SPAG16: variants seen among roughly 807,000 people sequenced by gnomAD.
SPAG16 encodes sperm-associated antigen 16 protein.
In SPAG16, 86 loss-of-function variants were observed where a neutral mutation model predicts 80.4. The observed-to-expected ratio is 1.07, with a 90% CI of 0.90 to 1.28. The LOEUF (loss-of-function observed/expected upper bound fraction) is 1.28, where lower values mean the gene tolerates loss of function less well. Ranked by LOEUF, SPAG16 falls within the 50% of genes most tolerant of loss-of-function variation. The probability of loss-of-function intolerance (pLI) is 0.00; values close to 1 mark genes in which losing one functional copy is unlikely to be tolerated. For missense variants in SPAG16, 870 were observed against 765.3 expected (o/e 1.14, Z -1.61); for synonymous variants, 294 against 265.9 (o/e 1.11, Z -1.03).
chr2:214,068,390 T>A (rs1248584567), intron 13 of SPAG16, among the ~76,000 whole-genome samples: 5 of 152,172 alleles, frequency 3.3e-5, no homozygotes, highest in African/African-American at 1.2e-4. Context: ...ATATTTTAAC[T>A]GGACATAGAG....
chr2:213,986,890 G>C (rs1466561880), intron 12 of SPAG16, among the ~76,000 whole-genome samples: 16 of 22,080 alleles, frequency 7.2e-4, no homozygotes, highest in South Asian at 1.1e-3. Flanking sequence ...CTCTGGTATA[G>C]CAAAAAAAAA....
intron 9 of SPAG16, among the ~76,000 whole-genome samples, chr2:213,475,425 C>T (rs58071177): frequency 0.074 from 11,254 of 152,142 alleles, 1,370 homozygotes; most frequent in African/African-American, 0.25. Flanking sequence ...CCCAGTGATT[C>T]AGGATACACT....
At chr2:213,698,248 TTTA>T (rs1408487558) in intron 10 of SPAG16, among the ~76,000 whole-genome samples, 2 of 152,046 alleles carry the variant, frequency 1.3e-5, no homozygotes, top group African/African-American at 2.4e-5. Flanking sequence ...ATTTTTTAAA[TTTA>T]TTATTATTAT....
At chr2:213,444,297 T>G (rs2071166290) in intron 9 of SPAG16, among the ~76,000 whole-genome samples, 1 of 152,174 alleles carries the variant, frequency 6.6e-6, no homozygotes, top group African/African-American at 2.4e-5. Context: ...GTGGAGTTTG[T>G]GGCATATGTG....
At chr2:213,971,880 T>G (rs934233579) in intron 12 of SPAG16, among the ~76,000 whole-genome samples, 2 of 143,742 alleles carry the variant, frequency 1.4e-5, no homozygotes, top group African/African-American at 2.5e-5. Flanking sequence ...TGTTTTTTGG[T>G]TTTTTTTTTT....
At chr2:213,298,371 A>C (rs189533243) in intron 3 of SPAG16, among the ~76,000 whole-genome samples, 1 of 152,324 alleles carries the variant, frequency 6.6e-6, no homozygotes, top group Admixed American at 6.5e-5. Flanking sequence ...TAGTTTTAAA[A>C]TGTATGAATA....
chr2:213,683,401 A>C (rs2125268590), intron 10 of SPAG16, among the ~76,000 whole-genome samples: 1 of 152,246 alleles, frequency 6.6e-6, no homozygotes, highest in East Asian at 1.9e-4. Context: ...AAATAGAAAA[A>C]TTAGCTGAGC....
At chr2:213,691,779 C>T (rs1225534504) in intron 10 of SPAG16, among the ~76,000 whole-genome samples, 1 of 151,816 alleles carries the variant, frequency 6.6e-6, no homozygotes, top group Admixed American at 6.6e-5. Flanking sequence ...TCTTGTTGTC[C>T]CCACCAGATT....
intron 12 of SPAG16, among the ~76,000 whole-genome samples, chr2:213,956,435 C>T (rs2044139640): frequency 7.0e-6 from 1 of 142,270 alleles, no homozygotes; most frequent in South Asian, 2.3e-4. Flanking sequence ...GACTTTACTC[C>T]ATTTTTTTTC....
chr2:213,573,123 C>T (rs1036670763), intron 10 of SPAG16, among the ~76,000 whole-genome samples: 8 of 152,120 alleles, frequency 5.3e-5, no homozygotes, highest in Non-Finnish European at 1.0e-4. Flanking sequence ...ACCCACTGGC[C>T]TGCGCCCACT....
intron 10 of SPAG16, among the ~76,000 whole-genome samples, chr2:213,560,890 G>A (rs1023336803): frequency 6.6e-6 from 1 of 152,208 alleles, no homozygotes; most frequent in African/African-American, 2.4e-5. Context: ...GGGAGATGGA[G>A]TCTTGCTCTG....
intron 10 of SPAG16, among the ~76,000 whole-genome samples, chr2:213,703,222 A>T (rs942988859): frequency 3.3e-5 from 5 of 152,136 alleles, no homozygotes; most frequent in African/African-American, 1.2e-4. Flanking sequence ...TAGGTCTCTG[A>T]TATTTGGGAA....
At chr2:213,358,014 GA>G (rs2065762482) in intron 7 of SPAG16, among the ~76,000 whole-genome samples, 1 of 152,072 alleles carries the variant, frequency 6.6e-6, no homozygotes, top group Non-Finnish European at 1.5e-5. Context: ...CTTCACTTAT[GA>G]AACTTAGTTT....
At chr2:213,912,341 G>C (rs931005141) in intron 11 of SPAG16, among the ~76,000 whole-genome samples, 1 of 151,924 alleles carries the variant, frequency 6.6e-6, no homozygotes, top group Non-Finnish European at 1.5e-5. Flanking sequence ...TTTCTTGTAC[G>C]TATCTATATT....
chr2:213,782,034 C>G (rs1231757239), intron 10 of SPAG16, among the ~76,000 whole-genome samples: 3 of 152,236 alleles, frequency 2.0e-5, no homozygotes, highest in East Asian at 3.9e-4. Flanking sequence ...TTGATGGAAA[C>G]CTTCCTGCTT....
intron 13 of SPAG16, among the ~76,000 whole-genome samples, chr2:214,094,589 T>C (rs1170848392): frequency 6.6e-6 from 1 of 152,116 alleles, no homozygotes; most frequent in East Asian, 1.9e-4. Flanking sequence ...TTTTCTAATT[T>C]ATAATAGAGC....
intron 10 of SPAG16, among the ~76,000 whole-genome samples, chr2:213,792,623 G>T (rs1306441893): frequency 2.8e-5 from 3 of 106,918 alleles, no homozygotes; most frequent in Non-Finnish European, 5.2e-5. Flanking sequence ...TCACTCTCTT[G>T]CCCAGGCTGG....
At chr2:214,353,933 C>T (rs1912190) in intron 15 of SPAG16, among the ~76,000 whole-genome samples, 73,986 of 151,318 alleles carry the variant, frequency 0.49, 21,663 homozygotes, top group South Asian at 0.67. Flanking sequence ...CTGTAGAAAC[C>T]AATTGTCTTC....
rs542735799 is a variant in SPAG16, at chr2:213,347,767, C to T, written c.645-2761C>T. On this transcript the variant is annotated intron_variant, in intron 6 of 15. Coordinates refer to ENST00000331683, the MANE Select transcript of SPAG16 (RefSeq NM_024532.5). ...TCTGAGAGATAGTTTGTTATAATTT[C>T]TGTTCTTTTACATTTGATGAGGAGT... Among the ~76,000 whole-genome samples, 13 of 152,280 alleles carry T rather than the reference C, an allele frequency of 8.5e-5. 1 individual carries two copies. The East Asian group carries it at 2.5e-3, about 29-fold the overall frequency.
Sources: gnomAD v4.1 joint callset for allele counts (sites outside exome capture counted in the v4.1 genomes callset) on GRCh38, gnomAD v4.1.1 for gene constraint, MANE v1.5 for transcripts, NCBI Gene and HGNC (gene_info 2026-07-23, HGNC 2026-07-21) for gene names.